Variants in TNFRSF21 observed in about 807,000 individuals in gnomAD.
TNFRSF21 encodes the protein TNF receptor superfamily member 21.
Under a neutral mutation model 45.6 loss-of-function variants are expected in TNFRSF21, and 19 were observed. That is an observed-to-expected ratio of 0.42 (90% CI 0.29 to 0.61). The LOEUF (loss-of-function observed/expected upper bound fraction) is 0.61, where lower values mean the gene tolerates loss of function less well. Ranked by LOEUF, TNFRSF21 falls within the 20% of genes least tolerant of loss-of-function variation. The pLI is 0.23. For missense variants in TNFRSF21, 737 were observed against 851.5 expected (o/e 0.87, Z 1.67); for synonymous variants, 314 against 335.5 (o/e 0.94, Z 0.70).
rs375966381 is a variant in TNFRSF21 at position 47,286,255 on chromosome 6, G to A, written c.437C>T (p.Pro146Leu). 32 of 1,614,060 alleles carry A rather than the reference G, an allele frequency of 2.0e-5. No homozygotes were observed. The highest frequency in any genetic ancestry group is 2.5e-5 in the Non-Finnish European group (30 of 1,180,046). Residue 146 changes from proline (P) to leucine (L), a missense_variant, in exon 2 of 6, where the codon CCC becomes CTC. Pro to Leu is a moderately conservative substitution (Grantham distance 98). Transcript: ENST00000296861. Reference sequence around the variant, plus strand: ...CCAACCCACAGGACACACCGTATGGGGGGCACAGGTAGCGTTAGACTGGAA... The same window carrying A: ...CCAACCCACAGGACACACCGTATGGAGGGCACAGGTAGCGTTAGACTGGAA... ...GMFQSNATCA[P>L]HTVCPVGWGV...
Position 47,268,589 on chromosome 6 carries a change from A to G in TNFRSF21, c.1244-15068T>C, listed in dbSNP as rs1561944500. On this transcript the variant is annotated intron_variant, in intron 3 of 5. Transcript: ENST00000296861. ...TTTAAGATTTCTTTAAGTTGCTTTC[A>G]CCTGGAGCCAAGATCTCCTAATTTA... 2.6e-5 allele frequency among the ~76,000 whole-genome samples: 4 copies of G among 151,602 alleles called. No individual in the cohort carries two copies. In the South Asian group the frequency reaches 8.4e-4, roughly 32 times the overall value.
At chr6:47,258,725 C>T (rs1017390115) in intron 3 of TNFRSF21, among the ~76,000 whole-genome samples, 1 of 152,162 alleles carries the variant, frequency 6.6e-6, no homozygotes, top group African/African-American at 2.4e-5. Flanking sequence ...AGGAGTGAGC[C>T]ACTGCATCCT....
intron 1 of TNFRSF21, among the ~76,000 whole-genome samples, chr6:47,300,232 TGCTCCCCAA>T (rs1475247663): frequency 6.6e-6 from 1 of 152,210 alleles, no homozygotes; most frequent in Non-Finnish European, 1.5e-5. Context: ...TTTCACCCAC[TGCTCCCCAA>T]GCCTTCCCTT....
Position 47,309,611 on chromosome 6 carries a change from C to T in TNFRSF21, c.-100G>A. On this transcript the variant is annotated 5_prime_UTR_variant, in exon 1 of 6. Coordinates refer to ENST00000296861, the MANE Select transcript of TNFRSF21 (RefSeq NM_014452.5). ...CCGCATCCACCGCCGCCTCCCGGGCCGGGAGCCCATCTACCTCCAACACCC... is the reference window on the plus strand; with the variant it reads ...CCGCATCCACCGCCGCCTCCCGGGCTGGGAGCCCATCTACCTCCAACACCC... 2.2e-6 allele frequency: 3 copies of T among 1,363,274 alleles called. No homozygotes were observed. The East Asian group carries it at 9.3e-5, about 42-fold the overall frequency. 84.4% of individuals were successfully genotyped at this position (1,363,274 alleles called of 1,614,324 possible). A position where few individuals can be genotyped will look rare whatever the true frequency, so the allele number is the denominator to read the frequency against.
intron 1 of TNFRSF21, among the ~76,000 whole-genome samples, chr6:47,301,987 C>A (rs922161706): frequency 6.6e-6 from 1 of 152,192 alleles, no homozygotes; most frequent in African/African-American, 2.4e-5. Context: ...CCTGGGCAAG[C>A]TGACCTGGCC....
Position 47,232,624 on chromosome 6 carries a change from AACACACACACACACACACAC to A in TNFRSF21, c.*121_*140del, listed in dbSNP as rs34093099. 3.6e-6 allele frequency: 2 copies of A among 563,206 alleles called. No homozygotes were observed. The highest frequency in any genetic ancestry group is 6.2e-6 in the Non-Finnish European group (2 of 322,484). The allele number at this position is 563,206 out of a possible 1,614,324, so 34.9% of individuals were successfully genotyped here. Reference sequence around the variant, plus strand: ...CAAGCACTGGCCATATTCTCTGTTAAACACACACACACACACACACACACACACACACACAAACACACACA... The same window carrying A: ...CAAGCACTGGCCATATTCTCTGTTAAACACACACACACACAAACACACACA... On this transcript the variant is annotated 3_prime_UTR_variant, in exon 6 of 6. Coordinates refer to ENST00000296861, the MANE Select transcript of TNFRSF21 (RefSeq NM_014452.5).
intron 4 of TNFRSF21, among the ~76,000 whole-genome samples, chr6:47,245,624 AAT>A (rs1582318815): frequency 6.6e-6 from 1 of 151,976 alleles, no homozygotes; most frequent in East Asian, 1.9e-4. Flanking sequence ...ACATCTCTGA[AAT>A]AGAGGTGTCT....
intron 4 of TNFRSF21, among the ~76,000 whole-genome samples, chr6:47,235,738 G>GA (rs972850067): frequency 4.6e-5 from 7 of 152,094 alleles, no homozygotes; most frequent in South Asian, 2.1e-4. Flanking sequence ...ACTAGCTCAG[G>GA]AAAAAAACTG....
At chr6:47,252,133 G>A (rs1394116141) in intron 4 of TNFRSF21, among the ~76,000 whole-genome samples, 3 of 152,158 alleles carry the variant, frequency 2.0e-5, no homozygotes, top group African/African-American at 4.8e-5. Context: ...GACTTCTTAA[G>A]TACATAAAGT....
intron 3 of TNFRSF21, among the ~76,000 whole-genome samples, chr6:47,257,383 G>T (rs1262802068): frequency 6.6e-6 from 1 of 152,164 alleles, no homozygotes; most frequent in African/African-American, 2.4e-5. Context: ...CCATGAACTG[G>T]CTGGGGTCGC....
Sources: allele counts gnomAD v4.1 joint callset (sites outside exome capture counted in the v4.1 genomes callset), GRCh38; gene constraint gnomAD v4.1.1; transcripts MANE v1.5; gene names NCBI Gene and HGNC (gene_info 2026-07-23, HGNC 2026-07-21).